ANKDD1B: variants seen among roughly 807,000 people sequenced by gnomAD.
ANKDD1B encodes ankyrin repeat and death domain-containing protein 1B.
In ANKDD1B, 57 loss-of-function variants were observed where a neutral mutation model predicts 59.7. The observed-to-expected ratio is 0.95, with a 90% CI of 0.77 to 1.19. The LOEUF (loss-of-function observed/expected upper bound fraction) is 1.19, where lower values mean the gene tolerates loss of function less well. Ranked by LOEUF, ANKDD1B falls within the 50% of genes most tolerant of loss-of-function variation. The pLI is 0.00. For synonymous variants in ANKDD1B, 216 were observed against 239.5 expected (o/e 0.90, Z 0.91); for missense variants, 602 against 641.9 (o/e 0.94, Z 0.67).
intron 8 of ANKDD1B, 83 bp from the exon 9 acceptor site, chr5:75,655,946 A>T (rs908031514): frequency 1.5e-6 from 1 of 657,032 alleles, no homozygotes; most frequent in African/African-American, 1.8e-5. Context: ...TCATCAGGAA[A>T]TAGCTGCTGA....
intron 11 of ANKDD1B, among the ~76,000 whole-genome samples, chr5:75,665,668 A>G (rs1775286522): frequency 6.6e-6 from 1 of 152,196 alleles, no homozygotes; most frequent in South Asian, 2.1e-4. Context: ...TTCAGATACT[A>G]GAGGAAGGTT....
intron 7 of ANKDD1B, among the ~76,000 whole-genome samples, chr5:75,651,987 A>T (rs972562623): frequency 6.6e-6 from 1 of 152,180 alleles, no homozygotes; most frequent in African/African-American, 2.4e-5. Flanking sequence ...CATGGGTCTC[A>T]TTCATAAGGG....
chr5:75,642,336 C>A (rs543004379), intron 7 of ANKDD1B, among the ~76,000 whole-genome samples: 37 of 151,540 alleles, frequency 2.4e-4, no homozygotes, highest in African/African-American at 7.7e-4. Flanking sequence ...TCTGAGGTAC[C>A]GGGTTCATCT....
intron 2 of ANKDD1B, among the ~76,000 whole-genome samples, chr5:75,617,749 G>A (rs776318531): frequency 6.6e-6 from 1 of 152,096 alleles, no homozygotes; most frequent in Non-Finnish European, 1.5e-5. Flanking sequence ...AAAATGTAAG[G>A]CATTTTAACT....
At position 75,656,118 on chromosome 5, in the gene ANKDD1B, C is replaced by G. The variant is rs1440694233; in HGVS notation, c.987C>G (p.Ile329Met). 1.3e-6 allele frequency: 2 copies of G among 1,506,080 alleles called. No homozygotes were observed. The highest frequency in any genetic ancestry group is 4.9e-5 in the East Asian group (2 of 40,492). The allele number at this position is 1,506,080 out of a possible 1,614,324, so 93.3% of individuals were successfully genotyped here. ...TAAGTGCACAGCATGATATTGACATCTTAAATCAGGTAAGCCAGGCAAATC... is the reference window on the plus strand; with the variant it reads ...TAAGTGCACAGCATGATATTGACATGTTAAATCAGGTAAGCCAGGCAAATC... Reference protein sequence around the residue: ...SLLSAQHDIDILNQKQQTPLH... With the variant: ...SLLSAQHDIDMLNQKQQTPLH... Residue 329 changes from isoleucine to methionine, a missense_variant, in exon 9 of 14, where the codon ATC becomes ATG. Ile to Met is a conservative substitution (Grantham distance 10). This residue lies in a region of ANKDD1B where 280 missense variants were observed against 319.8 expected (regional missense o/e 0.88). Transcript: ENST00000601380.
Position 75,634,879 on chromosome 5 carries a change from G to A in ANKDD1B, c.601-19G>A, listed in dbSNP as rs757337724. On this transcript the variant is annotated intron_variant, in intron 5 of 13. Coordinates refer to ENST00000601380, the MANE Select transcript of ANKDD1B (RefSeq NM_001276713.2). ...ACTAAGACTGTAATAAATGCTTGAG[G>A]TTTGTGATTGATTTTTAGAAAGGAA... 1.2e-5 allele frequency: 17 copies of A among 1,446,566 alleles called. No homozygotes were observed. Among genetic ancestry groups the A allele is most frequent in the Non-Finnish European group, 1.5e-5 (16 of 1,065,526 alleles). 89.6% of individuals were successfully genotyped at this position (1,446,566 alleles called of 1,614,324 possible). A position where few individuals can be genotyped will look rare whatever the true frequency, so the allele number is the denominator to read the frequency against.
chr5:75,632,443 A>G (rs2112975093), intron 5 of ANKDD1B, among the ~76,000 whole-genome samples: 1 of 152,324 alleles, frequency 6.6e-6, no homozygotes, highest in African/African-American at 2.4e-5. Flanking sequence ...CAGCTAGCTG[A>G]TGGCTCTAGA....
intron 11 of ANKDD1B, among the ~76,000 whole-genome samples, chr5:75,666,359 G>A (rs2112032747): frequency 1.3e-5 from 2 of 152,202 alleles, no homozygotes; most frequent in Admixed American, 1.3e-4. Flanking sequence ...CCAGCTGTGG[G>A]GTCTTATTAA....
chr5:75,629,838 T>A (rs1251910000), intron 5 of ANKDD1B, among the ~76,000 whole-genome samples: 1 of 151,730 alleles, frequency 6.6e-6, no homozygotes, highest in Non-Finnish European at 1.5e-5. Context: ...CTCGGGAGGC[T>A]GAGGTGGGAG....
chr5:75,669,224 T>G, intron 12 of ANKDD1B, 28 bp from the exon 13 acceptor site: 2 of 1,231,914 alleles, frequency 1.6e-6, no homozygotes, highest in Non-Finnish European at 2.0e-6. Flanking sequence ...CGTGGTGTTT[T>G]ACCTCGGACC....
At position 75,656,130 on chromosome 5, in the gene ANKDD1B, A is replaced by C; in HGVS notation, c.996+3A>C. Reference sequence around the variant, plus strand: ...ATGATATTGACATCTTAAATCAGGTAAGCCAGGCAAATCAGAGCCTGGAGG... The same window carrying C: ...ATGATATTGACATCTTAAATCAGGTCAGCCAGGCAAATCAGAGCCTGGAGG... On this transcript the variant is annotated splice_donor_region_variant and intron_variant, in intron 9 of 13. Coordinates refer to ENST00000601380, the MANE Select transcript of ANKDD1B (RefSeq NM_001276713.2). The C allele has an allele frequency of 6.9e-7, 1 of 1,447,568 alleles. No homozygotes were observed. Among genetic ancestry groups the C allele is most frequent in the Non-Finnish European group, 9.3e-7 (1 of 1,071,206 alleles). The allele number at this position is 1,447,568 out of a possible 1,614,324, so 89.7% of individuals were successfully genotyped here.
chr5:75,612,230 A>G (rs1228441852), intron 1 of ANKDD1B, among the ~76,000 whole-genome samples: 1 of 151,802 alleles, frequency 6.6e-6, no homozygotes, highest in East Asian at 1.9e-4. Context: ...CATGGAGTGG[A>G]TCATCTATGC....
At chr5:75,641,925 T>C (rs1046074944) in intron 7 of ANKDD1B, among the ~76,000 whole-genome samples, 6 of 152,198 alleles carry the variant, frequency 3.9e-5, no homozygotes, top group African/African-American at 1.4e-4. Context: ...AAGAACTAGA[T>C]ACAACATATA....
intron 5 of ANKDD1B, among the ~76,000 whole-genome samples, chr5:75,633,631 A>G (rs889560463): frequency 1.5e-4 from 23 of 152,336 alleles, no homozygotes; most frequent in African/African-American, 5.3e-4. Context: ...ATTGAAGAAA[A>G]TACTTCTGCT....
At position 75,620,585 on chromosome 5, in the gene ANKDD1B, G is replaced by A. The variant is rs1050530208; in HGVS notation, c.396+172G>A. Among the ~76,000 whole-genome samples the A allele has an allele frequency of 2.0e-5, 3 of 152,226 alleles. No individual in the cohort carries two copies. The South Asian group carries it at 6.3e-4, about 32-fold the overall frequency. On this transcript the variant is annotated intron_variant, in intron 3 of 13. Transcript: ENST00000601380. ...ATACATATATGTGCTCTTTGAATTT[G>A]GGGACTAAATTGTTTCCCCTTTACC...
chr5:75,644,387 A>G lies in ANKDD1B; in HGVS notation c.798+8505A>G, dbSNP rs183015702. Among the ~76,000 whole-genome samples, 393 of 103,004 alleles carry G rather than the reference A, an allele frequency of 3.8e-3. 8 individuals are homozygous for G. The highest frequency in any genetic ancestry group is 0.026 in the African/African-American group (351 of 13,524). 67.6% of individuals were successfully genotyped at this position (103,004 alleles called of 152,430 possible). A position where few individuals can be genotyped will look rare whatever the true frequency, so the allele number is the denominator to read the frequency against. ...GCAGAGACACACATAGGCTCAAAAT[A>G]TAAGGATGGAGGAAGATCTACCAAG... On this transcript the variant is annotated intron_variant, in intron 7 of 13. Transcript: ENST00000601380.
intron 7 of ANKDD1B, among the ~76,000 whole-genome samples, chr5:75,649,586 G>T (rs545863080): frequency 7.1e-4 from 108 of 152,246 alleles, no homozygotes; most frequent in Admixed American, 1.2e-3. Flanking sequence ...CTACTACAGG[G>T]TTCCTGCTTT....
intron 5 of ANKDD1B, among the ~76,000 whole-genome samples, chr5:75,627,525 G>A (rs528747406): frequency 2.6e-5 from 4 of 152,268 alleles, no homozygotes; most frequent in Admixed American, 2.6e-4. Flanking sequence ...GTTCACTGTT[G>A]TAACAATTGT....
chr5:75,668,419 A>G (rs1775370897), intron 12 of ANKDD1B, among the ~76,000 whole-genome samples: 2 of 152,232 alleles, frequency 1.3e-5, no homozygotes, highest in South Asian at 4.1e-4. Context: ...TTAGTTTGTC[A>G]AGAGCAAGAT....
Sources: gnomAD v4.1 joint callset for allele counts (sites outside exome capture counted in the v4.1 genomes callset) on GRCh38, gnomAD v4.1.1 for gene constraint, gnomAD v4.1.1 regional missense constraint, MANE v1.5 for transcripts, NCBI Gene and HGNC (gene_info 2026-07-23, HGNC 2026-07-21) for gene names.